ZNF263: variants seen among roughly 807,000 people sequenced by gnomAD.
The protein encoded by ZNF263 is zinc finger protein 263, also known as zinc finger protein FPM315.
In ZNF263, 49 loss-of-function variants were observed where a neutral mutation model predicts 63.1. That is an observed-to-expected ratio of 0.78 (90% CI 0.62 to 0.99). The LOEUF (loss-of-function observed/expected upper bound fraction) is 0.99. Among genes scored for constraint, ZNF263 ranks in the 50% least tolerant of loss-of-function variants. The probability of loss-of-function intolerance (pLI) is 0.00; values close to 1 mark genes in which losing one functional copy is unlikely to be tolerated. For missense variants in ZNF263, 872 were observed against 854.8 expected, an observed-to-expected ratio of 1.02 and a Z score of -0.25; for synonymous variants, 352 against 324.2, an observed-to-expected ratio of 1.09 and a Z score of -0.92.
At chr16:3,299,193 T>A in intron 2 of ZNF263, 1 of 1,597,072 alleles carries the variant, frequency 6.3e-7, no homozygotes, top group Non-Finnish European at 8.5e-7. Flanking sequence ...ATAATTTAAA[T>A]TCAGCAGTCT....
At chr16:3,300,625 A>T in intron 2 of ZNF263, 1 of 1,537,632 alleles carries the variant, frequency 6.5e-7, no homozygotes. Context: ...ACTGAATTTA[A>T]CTCTGAACCA....
At chr16:3,284,977 A>G (rs1959287378) in intron 1 of ZNF263, 82 bp from the exon 2 acceptor site, 1 of 1,530,098 alleles carries the variant, frequency 6.5e-7, no homozygotes, top group Admixed American at 1.8e-5. Flanking sequence ...TCTCTGTTGA[A>G]GGTTTGCTCT....
chr16:3,299,166 ACTCT>A (rs753044033), intron 2 of ZNF263: 27 of 1,557,622 alleles, frequency 1.7e-5, no homozygotes, highest in Non-Finnish European at 2.2e-5. Flanking sequence ...GGTAGTCCAA[ACTCT>A]CTCTTACAGC....
chr16:3,285,886 C>T (rs1959334063), intron 3 of ZNF263, 132 bp downstream of exon 3: 7 of 1,542,096 alleles, frequency 4.5e-6, no homozygotes, highest in African/African-American at 1.4e-5. Context: ...CTATTTCACA[C>T]CTCACTTGGA....
chr16:3,297,139 C>T (rs1281782087), intron 1 of ZNF263, among the ~76,000 whole-genome samples: 1 of 151,838 alleles, frequency 6.6e-6, no homozygotes, highest in Non-Finnish European at 1.5e-5. Context: ...CTCGTCTCTA[C>T]TAAAAATACA....
chr16:3,298,876 C>A lies in ZNF263; in HGVS notation c.152-230C>A, dbSNP rs570260139. Reference sequence around the variant, plus strand: ...TTTATAACCATTATATAAATGGGCACTGATATACAAAATAATGTCAGTTGC... The same window carrying A: ...TTTATAACCATTATATAAATGGGCAATGATATACAAAATAATGTCAGTTGC... On this transcript the variant is annotated intron_variant, in intron 1 of 2. Coordinates refer to the ZNF263 transcript ENST00000574674. 77 of 460,092 alleles carry A rather than the reference C, an allele frequency of 1.7e-4. 1 individual carries two copies. In the South Asian group the frequency reaches 7.1e-3, roughly 42 times the overall value. The allele number at this position is 460,092 out of a possible 1,614,324, so 28.5% of individuals were successfully genotyped here. A position where few individuals can be genotyped will look rare whatever the true frequency, so the allele number is the denominator to read the frequency against.
chr16:3,300,714 G>GA, intron 2 of ZNF263: 1 of 1,475,798 alleles, frequency 6.8e-7, no homozygotes, highest in Non-Finnish European at 9.0e-7. Context: ...AAACTTAGCT[G>GA]AAAGCCCCAG....
chr16:3,298,523 C>G (rs7192524), intron 1 of ZNF263, among the ~76,000 whole-genome samples: 4,633 of 152,118 alleles, frequency 0.03, 260 homozygotes, highest in African/African-American at 0.11. Flanking sequence ...TATATATTCC[C>G]TATAATCAGC....
intron 3 of ZNF263, 60 bp downstream of exon 3, chr16:3,285,814 T>A: frequency 6.3e-7 from 1 of 1,585,090 alleles, no homozygotes; most frequent in South Asian, 1.1e-5. Context: ...GTGTTGGGGG[T>A]GGGGGTTCTC....
chr16:3,288,533 C>T lies in ZNF263; in HGVS notation c.849C>T (p.Ser283=). 6.2e-7 allele frequency: 1 copy of T among 1,612,570 alleles called. No individual in the cohort carries two copies. The change falls in exon 5 of 6, where the codon AGC becomes AGT. Residue 283 remains serine (S), a synonymous_variant. Coordinates refer to ENST00000219069, the MANE Select transcript of ZNF263 (RefSeq NM_005741.5). The part of the protein sequence containing the change: ...GGKLWDPSVQ[S]CKEGLSPRGP... ...AGCTATGGGATCCCAGTGTCCAGAG[C>T]TGCAAGGAGGGCCTGAGCCCCAGAG...
Position 3,291,091 on chromosome 16 carries a change from A to G in ZNF263, c.*533A>G, listed in dbSNP as rs1237382300. ...GGGAAGCCATGGGCAGTCCAGATCAAGCCACCACGTGCCCTACGATGGCCT... is the reference window on the plus strand; with the variant it reads ...GGGAAGCCATGGGCAGTCCAGATCAGGCCACCACGTGCCCTACGATGGCCT... On this transcript the variant is annotated 3_prime_UTR_variant, in exon 6 of 6. Coordinates refer to ENST00000219069, the MANE Select transcript of ZNF263 (RefSeq NM_005741.5). 2 of 989,560 alleles carry G rather than the reference A, an allele frequency of 2.0e-6. No homozygotes were observed. The highest frequency in any genetic ancestry group is 2.4e-6 in the Non-Finnish European group (2 of 832,208). 61.3% of individuals were successfully genotyped at this position (989,560 alleles called of 1,614,324 possible). A position where few individuals can be genotyped will look rare whatever the true frequency, so the allele number is the denominator to read the frequency against.
intron 5 of ZNF263, 98 bp from the exon 6 acceptor site, chr16:3,289,295 T>G (rs1386162789): frequency 7.6e-7 from 1 of 1,324,340 alleles, no homozygotes; most frequent in Non-Finnish European, 1.0e-6. Context: ...AAGCAGCCCT[T>G]CTGGGCTGCT....
rs754301182 is a variant in ZNF263 at position 3,286,030 on chromosome 16, A to G, written c.650A>G (p.Glu217Gly). The change falls in exon 4 of 6, where the codon GAG becomes GGG. Residue 217 changes from glutamate to glycine, a missense_variant. Glu to Gly is a moderately conservative substitution (Grantham distance 98, BLOSUM62 -2). Transcript: ENST00000219069. ...GATCTTGTGCTGTTTCAGTTGCCTGAGAGCTTAGAGGACGTGGCAATGTAC... is the reference window on the plus strand; with the variant it reads ...GATCTTGTGCTGTTTCAGTTGCCTGGGAGCTTAGAGGACGTGGCAATGTAC... The part of the protein sequence containing the change: ...DKEMTGPQLP[E>G]SLEDVAMYIS... The G allele has an allele frequency of 1.9e-6, 3 of 1,613,778 alleles. No homozygotes were observed. Among genetic ancestry groups the G allele is most frequent in the Non-Finnish European group, 1.7e-6 (2 of 1,179,902 alleles).
At chr16:3,289,220 G>A (rs747141137) in intron 5 of ZNF263, among the ~76,000 whole-genome samples, 173 bp from the exon 6 acceptor site, 8 of 152,140 alleles carry the variant, frequency 5.3e-5, no homozygotes, top group East Asian at 1.9e-4. Context: ...CCAGTGGCCC[G>A]ACCCTTTATC....
chr16:3,297,334 T>C (rs1383504682), intron 1 of ZNF263, among the ~76,000 whole-genome samples: 1 of 149,940 alleles, frequency 6.7e-6, no homozygotes. Flanking sequence ...TAGCCAGTAA[T>C]GAAAATGGCA....
At chr16:3,300,471 A>AT (rs757900839) in intron 2 of ZNF263, 5 of 1,613,104 alleles carry the variant, frequency 3.1e-6, no homozygotes, top group Non-Finnish European at 4.2e-6. Context: ...TTAACTTCTT[A>AT]TTTTTTTTAA....
At chr16:3,299,450 C>T in intron 2 of ZNF263, 2 of 1,554,812 alleles carry the variant, frequency 1.3e-6, no homozygotes, top group East Asian at 2.3e-5. Context: ...TGTTTTACTT[C>T]TTCCCAACTT....
At chr16:3,298,732 A>G (rs1164079683) in intron 1 of ZNF263, 1 of 315,800 alleles carries the variant, frequency 3.2e-6, no homozygotes, top group East Asian at 4.9e-5. Context: ...CACCTTAGAT[A>G]ATCTGGGACA....
chr16:3,299,890 G>A lies in ZNF263; in HGVS notation c.*46+734G>A, dbSNP rs769582777. 8.1e-6 allele frequency: 13 copies of A among 1,607,636 alleles called. No homozygotes were observed. Among genetic ancestry groups the A allele is most frequent in the African/African-American group, 1.3e-5 (1 of 74,572 alleles). ...TTTATATATCACAGGCAATGTACTT[G>A]TGTCCTCTTTCACACTTTTGGGCAG... On this transcript the variant is annotated intron_variant, in intron 2 of 2. Coordinates refer to the ZNF263 transcript ENST00000574674.
Sources: gnomAD v4.1 joint callset for allele counts (sites outside exome capture counted in the v4.1 genomes callset) on GRCh38, gnomAD v4.1.1 for gene constraint, MANE v1.5 for transcripts, NCBI Gene and HGNC (gene_info 2026-07-23, HGNC 2026-07-21) for gene names.